ZBTB16: variants seen among roughly 807,000 people sequenced by gnomAD.
ZBTB16 encodes the protein zinc finger and BTB domain-containing protein 16.
ZBTB16 carries 8 observed loss-of-function variants against 56.8 expected under a neutral mutation model. The observed-to-expected ratio is 0.14, with a 90% CI of 0.08 to 0.25. The LOEUF (loss-of-function observed/expected upper bound fraction) is 0.25. Among genes scored for constraint, ZBTB16 ranks in the 10% least tolerant of loss-of-function variants. The probability of loss-of-function intolerance (pLI) is 1.00; values close to 1 mark genes in which losing one functional copy is unlikely to be tolerated. For synonymous variants in ZBTB16, 363 were observed against 368.5 expected (o/e 0.98, Z 0.17); for missense variants, 625 against 903.0 (o/e 0.69, Z 3.95).
chr11:114,132,489 C>T (rs967043985), intron 2 of ZBTB16, among the ~76,000 whole-genome samples: 12 of 152,212 alleles, frequency 7.9e-5, no homozygotes, highest in African/African-American at 2.2e-4. Flanking sequence ...GGGGTAGAGT[C>T]GGAGGGATGA....
intron 2 of ZBTB16, among the ~76,000 whole-genome samples, chr11:114,100,760 C>A (rs1565625558): frequency 6.6e-6 from 1 of 152,188 alleles, no homozygotes; most frequent in Admixed American, 6.5e-5. Flanking sequence ...GAATTATTAA[C>A]CTTTTATAAG....
chr11:114,169,308 C>T (rs1311868060), intron 3 of ZBTB16, among the ~76,000 whole-genome samples: 1 of 152,182 alleles, frequency 6.6e-6, no homozygotes, highest in Non-Finnish European at 1.5e-5. Flanking sequence ...AAGGTTGGGC[C>T]TCCCTGACCT....
chr11:114,116,110 G>T (rs1042058961), intron 2 of ZBTB16, among the ~76,000 whole-genome samples: 2 of 152,168 alleles, frequency 1.3e-5, no homozygotes, highest in East Asian at 3.9e-4. Context: ...GAAATTGGGG[G>T]CAGAAAGCTC....
intron 2 of ZBTB16, among the ~76,000 whole-genome samples, chr11:114,140,972 G>A (rs928901678): frequency 6.6e-6 from 1 of 152,142 alleles, no homozygotes; most frequent in African/African-American, 2.4e-5. Context: ...GTTTCAAGAA[G>A]GGCTTTGGGG....
intron 4 of ZBTB16, among the ~76,000 whole-genome samples, chr11:114,226,890 T>C (rs383285): frequency 0.048 from 7,378 of 152,254 alleles, 242 homozygotes; most frequent in African/African-American, 0.083. Context: ...TTCTTTATCA[T>C]ATCATATTCC....
intron 2 of ZBTB16, among the ~76,000 whole-genome samples, chr11:114,149,556 G>A (rs1008270823): frequency 6.6e-6 from 1 of 151,900 alleles, no homozygotes; most frequent in Non-Finnish European, 1.5e-5. Flanking sequence ...GGCTTTTATT[G>A]GTATATTTAC....
intron 2 of ZBTB16, among the ~76,000 whole-genome samples, chr11:114,106,664 G>A (rs1940801681): frequency 6.6e-6 from 1 of 151,848 alleles, no homozygotes; most frequent in African/African-American, 2.4e-5. Flanking sequence ...AGTAGAGTTG[G>A]GGATTCACCA....
chr11:114,165,819 G>A (rs1433673501), intron 3 of ZBTB16, among the ~76,000 whole-genome samples: 8 of 152,150 alleles, frequency 5.3e-5, no homozygotes, highest in Non-Finnish European at 2.9e-5. Flanking sequence ...ATAGGAGGGT[G>A]TCATCTGCCC....
intron 4 of ZBTB16, among the ~76,000 whole-genome samples, chr11:114,223,757 C>T (rs1944281885): frequency 6.6e-6 from 1 of 152,064 alleles, no homozygotes; most frequent in Non-Finnish European, 1.5e-5. Context: ...TATTAGAGCA[C>T]ACGTGAGCAA....
At chr11:114,147,218 A>G (rs971760303) in intron 2 of ZBTB16, among the ~76,000 whole-genome samples, 1 of 152,230 alleles carries the variant, frequency 6.6e-6, no homozygotes, top group African/African-American at 2.4e-5. Context: ...AACCTCAGTT[A>G]TTCTCAACAA....
intron 3 of ZBTB16, among the ~76,000 whole-genome samples, chr11:114,161,158 A>G (rs1372350907): frequency 1.3e-5 from 2 of 152,080 alleles, no homozygotes; most frequent in African/African-American, 4.8e-5. Context: ...AGTGACTCAA[A>G]TTGGTTCTGA....
At chr11:114,093,007 C>T (rs1398358087) in intron 2 of ZBTB16, among the ~76,000 whole-genome samples, 1 of 152,136 alleles carries the variant, frequency 6.6e-6, no homozygotes, top group Non-Finnish European at 1.5e-5. Flanking sequence ...CACCACACCA[C>T]ACCCCAAAAT....
intron 2 of ZBTB16, among the ~76,000 whole-genome samples, chr11:114,136,571 G>A (rs936140867): frequency 2.0e-5 from 3 of 152,110 alleles, no homozygotes; most frequent in African/African-American, 4.8e-5. Context: ...ATGTTCTGAG[G>A]TTCTTACCTT....
chr11:114,159,120 A>C (rs972494371), intron 3 of ZBTB16, among the ~76,000 whole-genome samples: 1 of 152,240 alleles, frequency 6.6e-6, no homozygotes, highest in Non-Finnish European at 1.5e-5. Flanking sequence ...TACTCATGTC[A>C]GGTGGGCCCG....
At chr11:114,144,177 G>GACACACACACACAC (rs56679355) in intron 2 of ZBTB16, among the ~76,000 whole-genome samples, 1 of 144,968 alleles carries the variant, frequency 6.9e-6, no homozygotes, top group African/African-American at 2.5e-5. Flanking sequence ...GTGTTTGCCA[G>GACACACACACACAC]ACACACACAC....
rs201175915 is a variant in ZBTB16 at position 114,064,578 on chromosome 11, G to A, written c.1268+10G>A. On this transcript the variant is annotated intron_variant, in intron 2 of 6. Coordinates refer to ENST00000335953, the MANE Select transcript of ZBTB16 (RefSeq NM_006006.6). This position sits in a 1 kb window ranked among gnomAD's most constrained non-coding sequence, Gnocchi z 4.2. Reference sequence around the variant, plus strand: ...CTGTGGAGCAGCACAGGTAGGCCCCGCTCCAGCCCCGCACCTGATGTAGGA... The same window carrying A: ...CTGTGGAGCAGCACAGGTAGGCCCCACTCCAGCCCCGCACCTGATGTAGGA... The A allele has an allele frequency of 1.4e-5, 23 of 1,613,064 alleles. No individual in the cohort carries two copies. In the East Asian group the frequency reaches 2.7e-4, roughly 19 times the overall value.
intron 3 of ZBTB16, among the ~76,000 whole-genome samples, chr11:114,185,710 G>A (rs1311091099): frequency 2.0e-5 from 3 of 152,258 alleles, no homozygotes; most frequent in South Asian, 2.1e-4. Flanking sequence ...TGCACCCAAC[G>A]CAGTGGAAGA....
intron 3 of ZBTB16, among the ~76,000 whole-genome samples, chr11:114,158,915 C>T (rs1483807663): frequency 6.6e-6 from 1 of 152,218 alleles, no homozygotes; most frequent in Non-Finnish European, 1.5e-5. Context: ...CGGACAAGTC[C>T]CTCCTGTGGT....
chr11:114,220,610 T>C (rs2135150104), intron 4 of ZBTB16, among the ~76,000 whole-genome samples: 1 of 152,352 alleles, frequency 6.6e-6, no homozygotes, highest in South Asian at 2.1e-4. Context: ...TGTGTCAGTC[T>C]GATTCATCAG....
Sources: allele counts gnomAD v4.1 joint callset (sites outside exome capture counted in the v4.1 genomes callset), GRCh38; gene constraint gnomAD v4.1.1; non-coding constraint Gnocchi (gnomAD v3.1); transcripts MANE v1.5; gene names NCBI Gene and HGNC (gene_info 2026-07-23, HGNC 2026-07-21).